The following ACTN1 variants were observed in gnomAD, a reference collection of about 807,000 sequenced individuals.
The protein encoded by ACTN1 is actinin alpha 1, also known as alpha-actinin-1.
ACTN1 carries 30 observed loss-of-function variants against 119.6 expected under a neutral mutation model. The observed-to-expected ratio is 0.25, with a 90% confidence interval of 0.19 to 0.34. The LOEUF (loss-of-function observed/expected upper bound fraction) is 0.34. ACTN1 is among the 10% of genes least tolerant of loss of function. The pLI is 1.00. For synonymous variants in ACTN1, 429 were observed against 472.6 expected (o/e 0.91, Z 1.20); for missense variants, 764 against 1,223.4 (o/e 0.62, Z 5.60).
At chr14:68,978,593 C>G (rs2037152674) in intron 1 of ACTN1, 1 of 287,516 alleles carries the variant, frequency 3.5e-6, no homozygotes. Flanking sequence ...CAAGCAGCCC[C>G]GAGCCGGGGT....
At chr14:68,884,108 C>T in intron 14 of ACTN1, 60 bp downstream of exon 14, 2 of 1,531,868 alleles carry the variant, frequency 1.3e-6, no homozygotes, top group South Asian at 2.4e-5. Flanking sequence ...AAGTGACCCA[C>T]AGAGCATGGG....
In ACTN1 at chr14:68,887,405, T is replaced by C. The variant is rs1161448339; in HGVS notation, c.1235-1830A>G. On this transcript the variant is annotated intron_variant, in intron 11 of 21. Transcript: ENST00000394419. The stretch of plus-strand genomic sequence containing the variant: ...TAAAAAAACAACATGGCAACAGAAG[T>C]AATTTAAAATGTTCAAGATATTAAA... The C allele has an allele frequency of 1.5e-5, 9 of 617,350 alleles. No homozygotes were observed. The East Asian group carries it at 6.3e-4, about 43-fold the overall frequency. 38.2% of individuals were successfully genotyped at this position (617,350 alleles called of 1,614,324 possible). A position where few individuals can be genotyped will look rare whatever the true frequency, so the allele number is the denominator to read the frequency against.
chr14:68,922,462 G>A (rs984008894), intron 2 of ACTN1, among the ~76,000 whole-genome samples: 12 of 152,150 alleles, frequency 7.9e-5, no homozygotes, highest in Admixed American at 7.8e-4. Context: ...TTTCCTGTCC[G>A]GGGGGAGATG....
intron 3 of ACTN1, among the ~76,000 whole-genome samples, chr14:68,920,123 G>A (rs1301453277): frequency 1.3e-5 from 2 of 152,200 alleles, no homozygotes; most frequent in African/African-American, 2.4e-5. Flanking sequence ...TACTGATGGC[G>A]GAACCTTGAG....
At chr14:68,936,951 A>G in intron 1 of ACTN1, 1 of 483,680 alleles carries the variant, frequency 2.1e-6, no homozygotes, top group Non-Finnish European at 4.1e-6. Context: ...CTACAGAGGA[A>G]AAGATTGCTA....
intron 11 of ACTN1, among the ~76,000 whole-genome samples, 176 bp downstream of exon 11, chr14:68,889,963 T>C (rs2032344025): frequency 6.6e-6 from 1 of 152,228 alleles, no homozygotes; most frequent in African/African-American, 2.4e-5. Context: ...ATTCCCACTT[T>C]ACAGATGAGG....
chr14:68,898,428 C>A (rs907649378), intron 8 of ACTN1, among the ~76,000 whole-genome samples: 2 of 152,248 alleles, frequency 1.3e-5, no homozygotes, highest in African/African-American at 4.8e-5. Flanking sequence ...CTGTGCACCA[C>A]ACGTGCACAC....
intron 6 of ACTN1, among the ~76,000 whole-genome samples, chr14:68,907,262 A>T: frequency 7.8e-6 from 1 of 128,600 alleles, no homozygotes; most frequent in Non-Finnish European, 1.6e-5. Flanking sequence ...ACTCTCTTAA[A>T]AAAAAAAAAA....
At chr14:68,958,282 G>C (rs2036417690) in intron 1 of ACTN1, among the ~76,000 whole-genome samples, 1 of 152,172 alleles carries the variant, frequency 6.6e-6, no homozygotes, top group East Asian at 1.9e-4. Flanking sequence ...ACCGTTTGAG[G>C]CAGAGGAAAA....
At chr14:68,978,421 C>T in intron 1 of ACTN1, 1 of 349,428 alleles carries the variant, frequency 2.9e-6, no homozygotes, top group Non-Finnish European at 5.6e-6. Flanking sequence ...CGGAGGCGGC[C>T]GCCGATCTCT....
At position 68,902,575 on chromosome 14, in the gene ACTN1, A is replaced by G. The variant is rs1379837974; in HGVS notation, c.677-13T>C. On this transcript the variant is annotated splice_polypyrimidine_tract_variant and intron_variant, in intron 7 of 21. Transcript: ENST00000394419. ...GTTCCAACGATGTCTGTCAAGAAAA[A>G]TCTGGAGTTAAAGCCAGCTGGTTCC... 1.2e-6 allele frequency: 2 copies of G among 1,612,734 alleles called. No individual in the cohort carries two copies. Among genetic ancestry groups the G allele is most frequent in the Admixed American group, 3.3e-5 (2 of 59,982 alleles).
rs1030485958 is a variant in ACTN1 at position 68,879,379 on chromosome 14, G to A, written c.2281-310C>T. ...TGACCCAGCCCCCCCGCTTCCCCAG[G>A]GGCTTCCCCCCAGGTGCCTAGAGAG... On this transcript the variant is annotated intron_variant, in intron 18 of 21. Transcript: ENST00000394419. The surrounding 1 kb of genome is among the most constrained non-coding windows in gnomAD (Gnocchi z 4.9). 1.3e-5 allele frequency among the ~76,000 whole-genome samples: 2 copies of A among 152,034 alleles called. No homozygotes were observed. Among genetic ancestry groups the A allele is most frequent in the South Asian group, 2.1e-4 (1 of 4,822 alleles).
At chr14:68,901,629 G>C in intron 8 of ACTN1, among the ~76,000 whole-genome samples, 1 of 152,208 alleles carries the variant, frequency 6.6e-6, no homozygotes, top group South Asian at 2.1e-4. Context: ...CTGTGGTCAT[G>C]GTGATGTTGT....
At chr14:68,948,055 G>T (rs1364946922) in intron 1 of ACTN1, among the ~76,000 whole-genome samples, 1 of 152,192 alleles carries the variant, frequency 6.6e-6, no homozygotes, top group Non-Finnish European at 1.5e-5. Context: ...GGAAGCTGCT[G>T]CCACCCAACC....
At chr14:68,947,525 C>G (rs1188301486) in intron 1 of ACTN1, 1 of 152,312 alleles carries the variant, frequency 6.6e-6, no homozygotes, top group Non-Finnish European at 1.5e-5. Context: ...CTTGCCTCCA[C>G]ACCAGTGCTG....
At chr14:68,947,334 A>T (rs1337682333) in intron 1 of ACTN1, 1 of 152,242 alleles carries the variant, frequency 6.6e-6, no homozygotes, top group Non-Finnish European at 1.5e-5. Context: ...CCATCCACAC[A>T]CAAAATAACA....
In ACTN1 at chr14:68,909,249, C is replaced by T. The variant is rs2033847491; in HGVS notation, c.594+69G>A. ...GACCATGGACTGTCACAACAAGGGT[C>T]CTAGTCCTGCTCTTTTCCCACCCCA... On this transcript the variant is annotated intron_variant, in intron 6 of 21. Transcript: ENST00000394419. This position sits in a 1 kb window ranked among gnomAD's most constrained non-coding sequence, Gnocchi z 4.1. The T allele has an allele frequency of 5.5e-6, 8 of 1,467,316 alleles. No individual in the cohort carries two copies. The highest frequency in any genetic ancestry group is 1.4e-5 in the African/African-American group (1 of 71,882). The allele number at this position is 1,467,316 out of a possible 1,614,324, so 90.9% of individuals were successfully genotyped here.
chr14:68,905,982 C>CA (rs755762604), intron 6 of ACTN1, among the ~76,000 whole-genome samples: 28,689 of 95,768 alleles, frequency 0.3, 3,307 homozygotes, highest in Middle Eastern at 0.37. Context: ...GACCTCGTCT[C>CA]AAAAAAAAAA....
At chr14:68,897,819 AG>A (rs1447760974) in intron 8 of ACTN1, among the ~76,000 whole-genome samples, 1 of 152,226 alleles carries the variant, frequency 6.6e-6, no homozygotes, top group Non-Finnish European at 1.5e-5. Flanking sequence ...TGAGTGGGCC[AG>A]GGTGGGTGAC....
Sources: gnomAD v4.1 joint callset for allele counts (sites outside exome capture counted in the v4.1 genomes callset) on GRCh38, gnomAD v4.1.1 for gene constraint, Gnocchi (gnomAD v3.1) non-coding constraint, MANE v1.5 for transcripts, NCBI Gene and HGNC (gene_info 2026-07-23, HGNC 2026-07-21) for gene names.